JAKMIP2: variants seen among roughly 807,000 people sequenced by gnomAD.
JAKMIP2 encodes janus kinase and microtubule interacting protein 2, also known as janus kinase and microtubule-interacting protein 2.
In JAKMIP2, 25 loss-of-function variants were observed where a neutral mutation model predicts 115.0. That is an observed-to-expected ratio of 0.22 (90% CI 0.16 to 0.30). The LOEUF (loss-of-function observed/expected upper bound fraction) is 0.30. JAKMIP2 is among the 10% of genes least tolerant of loss of function. JAKMIP2 has a pLI of 1.00. For missense variants in JAKMIP2, 642 were observed against 957.6 expected, an observed-to-expected ratio of 0.67 and a Z score of 4.35; for synonymous variants, 334 against 343.6, an observed-to-expected ratio of 0.97 and a Z score of 0.31.
rs1209643324 is a variant in JAKMIP2, at chr5:147,591,421, C to G, written c.*286G>C. 1 of 464,354 alleles carries G rather than the reference C, an allele frequency of 2.2e-6. No individual in the cohort carries two copies. The highest frequency in any genetic ancestry group is 2.1e-5 in the African/African-American group (1 of 48,288). The allele number at this position is 464,354 out of a possible 1,614,324, so 28.8% of individuals were successfully genotyped here. A position where few individuals can be genotyped will look rare whatever the true frequency, so the allele number is the denominator to read the frequency against. On this transcript the variant is annotated 3_prime_UTR_variant, in exon 22 of 22. Transcript: ENST00000616793. Reference sequence around the variant, plus strand: ...TCCATTGCTGAACTTTTTCTTTACACAATATATGTTTATAGTTCTTCTCTT... The same window carrying G: ...TCCATTGCTGAACTTTTTCTTTACAGAATATATGTTTATAGTTCTTCTCTT...
intron 12 of JAKMIP2, among the ~76,000 whole-genome samples, chr5:147,635,852 T>C (rs1174716015): frequency 6.6e-6 from 1 of 152,226 alleles, no homozygotes; most frequent in Non-Finnish European, 1.5e-5. Context: ...TGAGCCACTG[T>C]GCCTGGCCCT....
chr5:147,620,566 A>T (rs916000831), intron 18 of JAKMIP2, 100 bp downstream of exon 18: 51 of 704,376 alleles, frequency 7.2e-5, no homozygotes, highest in Non-Finnish European at 1.1e-4. Context: ...GCATGTCGTG[A>T]TCTATTCAAG....
At chr5:147,621,482 T>A (rs1333381320) in intron 17 of JAKMIP2, among the ~76,000 whole-genome samples, 1 of 152,198 alleles carries the variant, frequency 6.6e-6, no homozygotes, top group Non-Finnish European at 1.5e-5. Flanking sequence ...AGATCGTGTA[T>A]CTGTATGGAG....
chr5:147,716,189 G>T (rs1276298141), intron 1 of JAKMIP2, among the ~76,000 whole-genome samples: 4 of 133,302 alleles, frequency 3.0e-5, no homozygotes, highest in African/African-American at 1.2e-4. Context: ...ATTTTTTATG[G>T]CTGCATAGTA....
chr5:147,720,200 G>T (rs1384917030), intron 1 of JAKMIP2, among the ~76,000 whole-genome samples: 9 of 152,318 alleles, frequency 5.9e-5, no homozygotes, highest in East Asian at 1.9e-4. Flanking sequence ...GGCTTGTAGG[G>T]TTTCTGCCGA....
At chr5:147,641,166 A>G (rs1479172094) in intron 8 of JAKMIP2, among the ~76,000 whole-genome samples, 1 of 152,182 alleles carries the variant, frequency 6.6e-6, no homozygotes, top group South Asian at 2.1e-4. Flanking sequence ...TCAGGTATCT[A>G]TGTGATGGAG....
At position 147,775,171 on chromosome 5, in the gene JAKMIP2, G is replaced by A. The variant is rs539626645; in HGVS notation, c.-149+7285C>T. ...ACTGTCCTCAGTGGTTCAAAGGCAT[G>A]TCCGTGTGTCTGTCAAGCTAACCCT... On this transcript the variant is annotated intron_variant, in intron 1 of 21. Transcript: ENST00000616793. Among the ~76,000 whole-genome samples, 300 of 152,238 alleles carry A rather than the reference G, an allele frequency of 2.0e-3. 6 individuals carry two copies. The South Asian group carries it at 0.037, about 19-fold the overall frequency.
intron 1 of JAKMIP2, among the ~76,000 whole-genome samples, chr5:147,708,437 C>T (rs1305579050): frequency 6.6e-6 from 1 of 152,192 alleles, no homozygotes; most frequent in Non-Finnish European, 1.5e-5. Flanking sequence ...ATGCACACCA[C>T]ATTCCAAAAC....
rs185938454 is a variant in JAKMIP2, at chr5:147,622,582, C to A, written c.2064+1039G>T. Among the ~76,000 whole-genome samples the A allele has an allele frequency of 4.2e-3, 640 of 152,352 alleles. 1 individual carries two copies. The highest frequency in any genetic ancestry group is 0.02 in the Middle Eastern group (6 of 294). On this transcript the variant is annotated intron_variant, in intron 17 of 21. Coordinates refer to ENST00000616793, the MANE Select transcript of JAKMIP2 (RefSeq NM_001270941.2). ...ATCCATATTGTAACTTGTATCAGAACTTCCTTCCTTTTGAAGGCTAAATAA... is the reference window on the plus strand; with the variant it reads ...ATCCATATTGTAACTTGTATCAGAAATTCCTTCCTTTTGAAGGCTAAATAA...
rs1014107549 is a variant in JAKMIP2 at position 147,671,830 on chromosome 5, T to C, written c.-24A>G. Reference sequence around the variant, plus strand: ...ATTGTTCCTTTCTAAATGGAGTCTGTTGGTTTTTAATTTCTTTCAAGCAGG... The same window carrying C: ...ATTGTTCCTTTCTAAATGGAGTCTGCTGGTTTTTAATTTCTTTCAAGCAGG... On this transcript the variant is annotated 5_prime_UTR_variant, in exon 2 of 22. Transcript: ENST00000616793. 2 of 1,530,658 alleles carry C rather than the reference T, an allele frequency of 1.3e-6. No individual in the cohort carries two copies. The highest frequency in any genetic ancestry group is 4.2e-5 in the Admixed American group (2 of 47,838). 94.8% of individuals were successfully genotyped at this position (1,530,658 alleles called of 1,614,324 possible).
intron 1 of JAKMIP2, among the ~76,000 whole-genome samples, chr5:147,674,527 G>T (rs1384555815): frequency 6.6e-6 from 1 of 152,182 alleles, no homozygotes; most frequent in Non-Finnish European, 1.5e-5. Flanking sequence ...GACGAGGTGA[G>T]ATTTCGAAGG....
At chr5:147,711,029 G>C (rs1349731071) in intron 1 of JAKMIP2, among the ~76,000 whole-genome samples, 1 of 152,118 alleles carries the variant, frequency 6.6e-6, no homozygotes, top group Admixed American at 6.5e-5. Flanking sequence ...TTGTTGAACA[G>C]GTAACATGTT....
intron 20 of JAKMIP2, among the ~76,000 whole-genome samples, chr5:147,602,558 G>A (rs1561840862): frequency 6.6e-6 from 1 of 152,142 alleles, no homozygotes; most frequent in Non-Finnish European, 1.5e-5. Flanking sequence ...GAAGTTAAAT[G>A]GAGTCTGATT....
chr5:147,708,520 T>A (rs1320462263), intron 1 of JAKMIP2, among the ~76,000 whole-genome samples: 1 of 152,352 alleles, frequency 6.6e-6, no homozygotes, highest in East Asian at 1.9e-4. Flanking sequence ...ACTTACATGT[T>A]AATTATGATT....
intron 19 of JAKMIP2, among the ~76,000 whole-genome samples, chr5:147,613,917 T>G (rs1305146446): frequency 6.6e-6 from 1 of 152,178 alleles, no homozygotes; most frequent in Non-Finnish European, 1.5e-5. Flanking sequence ...ACTGGAATGT[T>G]GATGGTGTGT....
chr5:147,722,944 G>GT (rs1461010352), intron 1 of JAKMIP2, among the ~76,000 whole-genome samples: 1 of 151,890 alleles, frequency 6.6e-6, no homozygotes, highest in Non-Finnish European at 1.5e-5. Flanking sequence ...AACTAGTATA[G>GT]TTACACAACA....
At chr5:147,599,585 A>G (rs1219613119) in intron 21 of JAKMIP2, among the ~76,000 whole-genome samples, 1 of 152,218 alleles carries the variant, frequency 6.6e-6, no homozygotes, top group East Asian at 1.9e-4. Context: ...TACATCCCTC[A>G]AGGAGTTACA....
intron 17 of JAKMIP2, 27 bp downstream of exon 17, chr5:147,623,594 T>G: frequency 6.7e-7 from 1 of 1,495,668 alleles, no homozygotes; most frequent in Non-Finnish European, 9.3e-7. Context: ...TTTTCTTAAT[T>G]TTTACAATAT....
At chr5:147,689,901 T>C (rs1410817955) in intron 1 of JAKMIP2, among the ~76,000 whole-genome samples, 1 of 152,212 alleles carries the variant, frequency 6.6e-6, no homozygotes, top group Non-Finnish European at 1.5e-5. Context: ...CTGGAGTTTA[T>C]ACTCTAGCAG....
Sources: gnomAD v4.1 joint callset for allele counts (sites outside exome capture counted in the v4.1 genomes callset) on GRCh38, gnomAD v4.1.1 for gene constraint, MANE v1.5 for transcripts, NCBI Gene and HGNC (gene_info 2026-07-23, HGNC 2026-07-21) for gene names.